UBR1: variants seen among roughly 807,000 people sequenced by gnomAD.
UBR1 encodes E3 ubiquitin-protein ligase UBR1.
UBR1 carries 102 observed loss-of-function variants against 242.1 expected under a neutral mutation model. That is an observed-to-expected ratio of 0.42 (90% confidence interval 0.36 to 0.50). UBR1 has a LOEUF of 0.50. UBR1 is among the 20% of genes least tolerant of loss of function. The probability of loss-of-function intolerance (pLI) is 0.01; values close to 1 mark genes in which losing one functional copy is unlikely to be tolerated. For missense variants in UBR1, 1,772 were observed against 2,101.8 expected (o/e 0.84, Z 3.07); for synonymous variants, 675 against 684.8 (o/e 0.99, Z 0.22).
intron 6 of UBR1, among the ~76,000 whole-genome samples, chr15:43,060,941 G>GAAAA (rs11302662): frequency 8.0e-6 from 1 of 125,224 alleles, no homozygotes; most frequent in Non-Finnish European, 1.6e-5. Flanking sequence ...TGCCATTACA[G>GAAAA]AAAAAAAAAA....
Position 43,062,844 on chromosome 15 carries a change from T to A in UBR1, c.799-2730A>T, listed in dbSNP as rs551088258. Among the ~76,000 whole-genome samples, 22 of 152,170 alleles carry A rather than the reference T, an allele frequency of 1.4e-4. No homozygotes were observed. In the South Asian group the frequency reaches 4.6e-3, roughly 32 times the overall value. On this transcript the variant is annotated intron_variant, in intron 6 of 46. Transcript: ENST00000290650. ...AAATACGTGGGCATTTCTTTCCTCT[T>A]CTCTTCCCCATACTCCCAATTCTGA...
chr15:43,019,094 C>A (rs1189493373), intron 27 of UBR1, among the ~76,000 whole-genome samples: 1 of 151,908 alleles, frequency 6.6e-6, no homozygotes, highest in Non-Finnish European at 1.5e-5. Context: ...CGGAGTCTCG[C>A]TTTGTCGCCC....
chr15:42,988,590 A>AT (rs2032510344), intron 35 of UBR1: 1 of 564,876 alleles, frequency 1.8e-6, no homozygotes, highest in South Asian at 2.1e-5. Context: ...CTTTTTAAAA[A>AT]TATTTTTTTT....
intron 20 of UBR1, among the ~76,000 whole-genome samples, chr15:43,031,275 A>T (rs1485330758): frequency 6.6e-6 from 1 of 152,184 alleles, no homozygotes; most frequent in East Asian, 1.9e-4. Context: ...AAAAACAATA[A>T]ATTTGGGCAA....
intron 1 of UBR1, among the ~76,000 whole-genome samples, chr15:43,093,790 C>CAAAAAAAA (rs35967267): frequency 1.9e-5 from 1 of 52,054 alleles, no homozygotes; most frequent in Non-Finnish European, 4.0e-5. Context: ...GCTCCGTCTC[C>CAAAAAAAA]AAAAAAAAAA....
intron 37 of UBR1, among the ~76,000 whole-genome samples, chr15:42,978,937 C>T (rs540125103): frequency 2.8e-4 from 41 of 148,374 alleles, no homozygotes; most frequent in African/African-American, 9.7e-4. Context: ...GCTTTATTGC[C>T]AGGCTGGAGT....
chr15:42,943,115 C>A lies in UBR1; in HGVS notation c.*2214G>T, dbSNP rs2031678175. On this transcript the variant is annotated 3_prime_UTR_variant, in exon 47 of 47. Coordinates refer to ENST00000290650, the MANE Select transcript of UBR1 (RefSeq NM_174916.3). ...AAAATGCATAGTTGTTATGAAATGA[C>A]AAATGACCACTAAAAGGTGAACTCA... The A allele has an allele frequency of 6.6e-6, 1 of 152,468 alleles. No individual in the cohort carries two copies. The allele number at this position is 152,468 out of a possible 1,614,324, so 9.4% of individuals were successfully genotyped here.
intron 46 of UBR1, among the ~76,000 whole-genome samples, chr15:42,946,415 C>T (rs889967713): frequency 1.3e-5 from 2 of 151,956 alleles, no homozygotes; most frequent in East Asian, 1.9e-4. Flanking sequence ...CGTGAACCAC[C>T]GCGGCCGCCT....
intron 37 of UBR1, among the ~76,000 whole-genome samples, chr15:42,979,873 A>G (rs368009418): frequency 1.3e-5 from 2 of 152,134 alleles, no homozygotes; most frequent in African/African-American, 4.8e-5. Flanking sequence ...ATGAATTTAA[A>G]GCACTTATCC....
At chr15:43,081,066 G>A (rs2141356373) in intron 3 of UBR1, among the ~76,000 whole-genome samples, 1 of 152,248 alleles carries the variant, frequency 6.6e-6, no homozygotes, top group African/African-American at 2.4e-5. Flanking sequence ...GTTTACTTCT[G>A]TAAAAAACTG....
At chr15:43,029,868 G>T in intron 21 of UBR1, 76 bp downstream of exon 21, 2 of 1,578,490 alleles carry the variant, frequency 1.3e-6, no homozygotes, top group Admixed American at 1.7e-5. Context: ...AAATTTTGAA[G>T]TAGTTTCCAA....
At chr15:43,060,202 T>A in intron 6 of UBR1, 88 bp from the exon 7 acceptor site, 3 of 1,212,568 alleles carry the variant, frequency 2.5e-6, no homozygotes, top group Non-Finnish European at 3.7e-6. Flanking sequence ...AATGAGCTCT[T>A]AACTGAGCTC....
chr15:42,960,202 A>G (rs534778648), intron 43 of UBR1, among the ~76,000 whole-genome samples: 25 of 152,210 alleles, frequency 1.6e-4, no homozygotes, highest in African/African-American at 5.8e-4. Flanking sequence ...AGGGCTGAAG[A>G]AAAGTTTTTG....
chr15:43,082,913 T>C (rs1289186939), intron 2 of UBR1, among the ~76,000 whole-genome samples, 197 bp from the exon 3 acceptor site: 1 of 152,236 alleles, frequency 6.6e-6, no homozygotes, highest in Non-Finnish European at 1.5e-5. Context: ...TTTAGCCACA[T>C]TTAAGTGTGT....
intron 29 of UBR1, among the ~76,000 whole-genome samples, chr15:43,012,088 G>C (rs576344172): frequency 6.6e-6 from 1 of 152,100 alleles, no homozygotes; most frequent in Admixed American, 6.5e-5. Context: ...TTAGCCAGGC[G>C]TGGTGGCGGG....
At chr15:42,977,975 T>C in intron 37 of UBR1, 28 bp from the exon 38 acceptor site, 1 of 1,577,818 alleles carries the variant, frequency 6.3e-7, no homozygotes, top group Non-Finnish European at 8.7e-7. Context: ...TTAATGTAAT[T>C]CAGTCAGTAA....
intron 21 of UBR1, among the ~76,000 whole-genome samples, chr15:43,029,456 G>A (rs1055238359): frequency 6.6e-6 from 1 of 152,132 alleles, no homozygotes; most frequent in Non-Finnish European, 1.5e-5. Flanking sequence ...ACTAACGCAG[G>A]CTCATTCTGG....
chr15:43,084,581 G>T (rs145059220), intron 2 of UBR1, among the ~76,000 whole-genome samples: 1 of 152,028 alleles, frequency 6.6e-6, no homozygotes, highest in South Asian at 2.1e-4. Flanking sequence ...TCAGCCTCCC[G>T]AGTAGCTCGG....
At chr15:43,038,522 A>C (rs868687362) in intron 15 of UBR1, among the ~76,000 whole-genome samples, 2 of 152,240 alleles carry the variant, frequency 1.3e-5, no homozygotes, top group African/African-American at 2.4e-5. Flanking sequence ...TGAACCTGGG[A>C]GGCGGAAGTT....
Sources: allele counts gnomAD v4.1 joint callset (sites outside exome capture counted in the v4.1 genomes callset), GRCh38; gene constraint gnomAD v4.1.1; transcripts MANE v1.5; gene names NCBI Gene and HGNC (gene_info 2026-07-23, HGNC 2026-07-21).